PLEKHA5: variants seen among roughly 807,000 people sequenced by gnomAD.
The protein encoded by PLEKHA5 is pleckstrin homology domain-containing family A member 5.
PLEKHA5 carries 55 observed loss-of-function variants against 181.9 expected under a neutral mutation model. The ratio of observed to expected loss-of-function variants is 0.30; its 90% confidence interval spans 0.24 to 0.38. The LOEUF is 0.38. Among genes scored for constraint, PLEKHA5 ranks in the 10% least tolerant of loss-of-function variants. PLEKHA5 has a pLI of 1.00. For missense variants in PLEKHA5, 1,432 were observed against 1,549.5 expected (o/e 0.92, Z 1.27); for synonymous variants, 535 against 529.4 (o/e 1.01, Z -0.15).
intron 20 of PLEKHA5, among the ~76,000 whole-genome samples, chr12:19,326,566 A>G (rs1043780507): frequency 3.3e-5 from 5 of 152,168 alleles, no homozygotes; most frequent in Non-Finnish European, 7.3e-5. Flanking sequence ...AGTGTTCCCT[A>G]TACTTTTTAT....
At chr12:19,349,414 A>AC (rs1168829041) in intron 25 of PLEKHA5, among the ~76,000 whole-genome samples, 1 of 152,148 alleles carries the variant, frequency 6.6e-6, no homozygotes, top group East Asian at 1.9e-4. Flanking sequence ...CCACACCTGG[A>AC]CAGGGTCTTT....
chr12:19,197,152 G>T (rs919122900), intron 3 of PLEKHA5, among the ~76,000 whole-genome samples: 1 of 152,050 alleles, frequency 6.6e-6, no homozygotes, highest in Non-Finnish European at 1.5e-5. Context: ...GCAGCGTTCA[G>T]CATCGTTGAG....
intron 15 of PLEKHA5, among the ~76,000 whole-genome samples, chr12:19,292,552 T>A (rs192629452): frequency 6.6e-6 from 1 of 152,342 alleles, no homozygotes; most frequent in African/African-American, 2.4e-5. Context: ...TTTGCCAACG[T>A]GTGTAGAGCC....
intron 27 of PLEKHA5, among the ~76,000 whole-genome samples, chr12:19,359,045 A>G (rs957555820): frequency 1.3e-5 from 2 of 152,210 alleles, no homozygotes; most frequent in African/African-American, 4.8e-5. Flanking sequence ...TAGCAATAGT[A>G]TCTTAAAAGT....
At chr12:19,202,104 A>T (rs544453176) in intron 3 of PLEKHA5, 1 of 575,382 alleles carries the variant, frequency 1.7e-6, no homozygotes, top group African/African-American at 2.0e-5. Context: ...TACTCTTGAA[A>T]ATTATTTTCA....
At chr12:19,220,174 A>G (rs1409452424) in intron 3 of PLEKHA5, among the ~76,000 whole-genome samples, 4 of 150,456 alleles carry the variant, frequency 2.7e-5, no homozygotes, top group African/African-American at 4.9e-5. Flanking sequence ...AGAAAGTCCA[A>G]GAAACTCTCC....
In PLEKHA5 at chr12:19,146,109, G is replaced by C. The variant is rs117543839; in HGVS notation, c.227+13659G>C. On this transcript the variant is annotated intron_variant, in intron 3 of 31. Transcript: ENST00000429027. ...TGGAGACATTTGCCAATCACATTCA[G>C]ATTAATTTCTGGTTTTCCTATTTGG... is the stretch of plus-strand genomic sequence containing the variant. Among the ~76,000 whole-genome samples, 30 of 152,270 alleles carry C rather than the reference G, an allele frequency of 2.0e-4. 1 individual carries two copies. In the East Asian group the frequency reaches 5.8e-3, roughly 29 times the overall value.
chr12:19,188,526 CAT>C (rs1222237351), intron 3 of PLEKHA5, among the ~76,000 whole-genome samples: 6 of 152,134 alleles, frequency 3.9e-5, no homozygotes, highest in African/African-American at 1.4e-4. Context: ...AGATTTCAAT[CAT>C]ATTAGATTAG....
At chr12:19,249,555 GA>G (rs1233530827) in intron 3 of PLEKHA5, among the ~76,000 whole-genome samples, 1 of 152,144 alleles carries the variant, frequency 6.6e-6, no homozygotes, top group Non-Finnish European at 1.5e-5. Flanking sequence ...GAGGGTAACT[GA>G]AACCATAGAA....
chr12:19,354,107 C>A, intron 26 of PLEKHA5, 105 bp downstream of exon 26: 2 of 256,220 alleles, frequency 7.8e-6, no homozygotes, highest in Non-Finnish European at 1.6e-5. Flanking sequence ...TTTGCATACT[C>A]AAAGAAAAAC....
chr12:19,353,070 G>A (rs1196777614), intron 25 of PLEKHA5, among the ~76,000 whole-genome samples: 1 of 151,662 alleles, frequency 6.6e-6, no homozygotes, highest in East Asian at 1.9e-4. Context: ...TTACAGGCAT[G>A]AACAGAATTT....
At chr12:19,308,561 A>G (rs2085017801) in intron 15 of PLEKHA5, among the ~76,000 whole-genome samples, 1 of 152,174 alleles carries the variant, frequency 6.6e-6, no homozygotes, top group Admixed American at 6.5e-5. Context: ...TTCCTTTACT[A>G]AGTTCACTTA....
At chr12:19,328,587 G>A (rs1014388291) in intron 20 of PLEKHA5, among the ~76,000 whole-genome samples, 7 of 150,878 alleles carry the variant, frequency 4.6e-5, no homozygotes, top group Non-Finnish European at 1.0e-4. Flanking sequence ...GTGTGTGTGT[G>A]TGTGTGTGTG....
Position 19,306,332 on chromosome 12 carries a change from G to A in PLEKHA5, c.2038-8482G>A, listed in dbSNP as rs1592412669. The stretch of plus-strand genomic sequence containing the variant: ...AATTGTGGGGTTGGAGGCGAGGTGG[G>A]GGTGGCCGTTTGTTTTCTCGTGCTC... On this transcript the variant is annotated intron_variant, in intron 15 of 31. Transcript: ENST00000429027. 14 of 419,780 alleles carry A rather than the reference G, an allele frequency of 3.3e-5. No individual in the cohort carries two copies. In the East Asian group the frequency reaches 8.1e-4, roughly 24 times the overall value. The allele number at this position is 419,780 out of a possible 1,614,324, so 26.0% of individuals were successfully genotyped here.
At chr12:19,154,885 A>G (rs1320144898) in intron 3 of PLEKHA5, among the ~76,000 whole-genome samples, 2 of 152,190 alleles carry the variant, frequency 1.3e-5, no homozygotes, top group Non-Finnish European at 2.9e-5. Flanking sequence ...AGGATTTCAT[A>G]TGCCCCAGCA....
rs181938590 is a variant in PLEKHA5, at chr12:19,302,169, G to C, written c.2037+10472G>C. 3.8e-3 allele frequency among the ~76,000 whole-genome samples: 580 copies of C among 152,136 alleles called. 2 individuals are homozygous for C. The highest frequency in any genetic ancestry group is 6.5e-3 in the Admixed American group (99 of 15,280). ...ATTCCCAACTGAAAAAATCTTTTCCGAAGAAGTCATTAAGAACTCAGGAAA... is the reference window on the plus strand; with the variant it reads ...ATTCCCAACTGAAAAAATCTTTTCCCAAGAAGTCATTAAGAACTCAGGAAA... On this transcript the variant is annotated intron_variant, in intron 15 of 31. Coordinates refer to ENST00000429027, the MANE Select transcript of PLEKHA5 (RefSeq NM_001256470.2).
chr12:19,156,131 C>T (rs1352698924), intron 3 of PLEKHA5, among the ~76,000 whole-genome samples: 1 of 151,936 alleles, frequency 6.6e-6, no homozygotes, highest in South Asian at 2.1e-4. Context: ...ATTGCAGGGA[C>T]CGCCCTGGAG....
At chr12:19,342,962 C>A (rs1469999491) in intron 21 of PLEKHA5, among the ~76,000 whole-genome samples, 1 of 151,938 alleles carries the variant, frequency 6.6e-6, no homozygotes, top group African/African-American at 2.4e-5. Context: ...ATTATTTTTT[C>A]TTTTGGGGTT....
At chr12:19,198,985 TTG>T (rs1486392675) in intron 3 of PLEKHA5, among the ~76,000 whole-genome samples, 54 of 152,164 alleles carry the variant, frequency 3.5e-4, no homozygotes, top group Non-Finnish European at 1.0e-4. Flanking sequence ...AGTCTAAACA[TTG>T]TCTATAGCAA....
Sources: allele counts gnomAD v4.1 joint callset (sites outside exome capture counted in the v4.1 genomes callset), GRCh38; gene constraint gnomAD v4.1.1; transcripts MANE v1.5; gene names NCBI Gene and HGNC (gene_info 2026-07-23, HGNC 2026-07-21).